Variants in KCNS1 observed in about 807,000 individuals in gnomAD.
The protein encoded by KCNS1 is potassium voltage-gated channel modifier subfamily S member 1.
In KCNS1, 26 loss-of-function variants were observed where a neutral mutation model predicts 33.1. The observed-to-expected ratio is 0.79, with a 90% confidence interval of 0.58 to 1.09. The LOEUF (loss-of-function observed/expected upper bound fraction) is 1.09. Among genes scored for constraint, KCNS1 ranks in the 50% least tolerant of loss-of-function variants. The pLI is 0.00. For missense variants in KCNS1, 702 were observed against 752.4 expected (o/e 0.93, Z 0.78); for synonymous variants, 299 against 338.8 (o/e 0.88, Z 1.29).
chr20:45,095,247 C>G lies in KCNS1; in HGVS notation c.1204G>C (p.Asp402His). The change falls in exon 4 of 4, where the codon GAC (aspartate) becomes CAC (histidine). Residue 402 changes from aspartate to histidine, a missense_variant. Coordinates refer to ENST00000537075, the MANE Select transcript of KCNS1 (RefSeq NM_001322799.2). ...GVAYTAEKEE[D>H]VGFNTIPACW... Reference sequence around the variant, plus strand: ...GCTGGGATGGTGTTAAAGCCCACGTCCTCCTCCTTTTCAGCTGTGTAGGCC... The same window carrying G: ...GCTGGGATGGTGTTAAAGCCCACGTGCTCCTCCTTTTCAGCTGTGTAGGCC... The G allele has an allele frequency of 1.2e-6, 2 of 1,614,140 alleles. No individual in the cohort carries two copies. The highest frequency in any genetic ancestry group is 1.7e-6 in the Non-Finnish European group (2 of 1,180,016).
At position 45,098,345 on chromosome 20, in the gene KCNS1, G is replaced by A. The variant is rs552417867; in HGVS notation, c.427C>T (p.Leu143=). Residue 143 remains leucine, a synonymous_variant, in exon 3 of 4, where the codon CTA becomes TTA. Coordinates refer to ENST00000537075, the MANE Select transcript of KCNS1 (RefSeq NM_001322799.2). This position sits in a 1 kb window ranked among gnomAD's most constrained non-coding sequence, Gnocchi z 5.2. ...AFGQEADYWG[L]GENALAACCR... The stretch of plus-strand genomic sequence containing the variant: ...CACGCGGCAAGCGCGTTCTCGCCTA[G>A]GCCCCAGTAGTCGGCCTCCTGGCCA... The A allele has an allele frequency of 5.1e-6, 8 of 1,573,762 alleles. No homozygotes were observed. Among genetic ancestry groups the A allele is most frequent in the Admixed American group, 3.7e-5 (2 of 54,512 alleles).
At position 45,098,185 on chromosome 20, in the gene KCNS1, G is replaced by A; in HGVS notation, c.587C>T (p.Ala196Val). ...GCGGCGCAGGCGGCCACAGCGCGCC[G>A]CGCCATAGCGCGCCAGTTCTCGCTG... Reference protein sequence around the residue: ...DVQRELARYGAARCGRLRRRL... With the variant: ...DVQRELARYGVARCGRLRRRL... The change falls in exon 3 of 4, where the codon GCG (alanine) becomes GTG (valine). Residue 196 changes from alanine to valine, a missense_variant. Ala to Val is a moderately conservative substitution (Grantham distance 64). Around this residue, in one of 3 missense-constraint regions of KCNS1, gnomAD observed 374 missense variants for 352.3 expected, o/e 1.06. Transcript: ENST00000537075. This position sits in a 1 kb window ranked among gnomAD's most constrained non-coding sequence, Gnocchi z 5.2. 6.2e-7 allele frequency: 1 copy of A among 1,603,292 alleles called. No individual in the cohort carries two copies. The highest frequency in any genetic ancestry group is 8.5e-7 in the Non-Finnish European group (1 of 1,175,994).
intron 2 of KCNS1, 37 bp downstream of exon 2, chr20:45,099,124 C>A (rs1396095264): frequency 7.7e-6 from 12 of 1,549,310 alleles, no homozygotes; most frequent in Non-Finnish European, 1.0e-5. Context: ...GCCCTCTGAA[C>A]CTGTTTCTTC....
rs912629185 is a variant in KCNS1 at position 45,093,930 on chromosome 20, T to C, written c.*940A>G. Reference sequence around the variant, plus strand: ...ACCCCTCTGCTCTCCTTGGCTTTCATTGCCCTCTGGGTCACAGATTCTGAC... The same window carrying C: ...ACCCCTCTGCTCTCCTTGGCTTTCACTGCCCTCTGGGTCACAGATTCTGAC... On this transcript the variant is annotated 3_prime_UTR_variant, in exon 4 of 4. Transcript: ENST00000537075. 2 of 152,274 alleles carry C rather than the reference T, an allele frequency of 1.3e-5. No individual in the cohort carries two copies. Among genetic ancestry groups the C allele is most frequent in the African/African-American group, 4.8e-5 (2 of 41,448 alleles). 9.4% of individuals were successfully genotyped at this position (152,274 alleles called of 1,614,324 possible). A position where few individuals can be genotyped will look rare whatever the true frequency, so the allele number is the denominator to read the frequency against.
rs1476396766 is a variant in KCNS1 at position 45,092,233 on chromosome 20, C to T, written c.*2637G>A. On this transcript the variant is annotated 3_prime_UTR_variant, in exon 4 of 4. Coordinates refer to ENST00000537075, the MANE Select transcript of KCNS1 (RefSeq NM_001322799.2). The stretch of plus-strand genomic sequence containing the variant: ...CTGAGAATGTGGATTCCAAGTCATT[C>T]CACATATTGCCCACCCTCTCCAATC... The T allele has an allele frequency of 6.6e-6, 1 of 152,136 alleles. No homozygotes were observed. Among genetic ancestry groups the T allele is most frequent in the African/African-American group, 2.4e-5 (1 of 41,428 alleles). 9.4% of individuals were successfully genotyped at this position (152,136 alleles called of 1,614,324 possible). A position where few individuals can be genotyped will look rare whatever the true frequency, so the allele number is the denominator to read the frequency against.
rs141857067 is a variant in KCNS1 at position 45,097,704 on chromosome 20, C to A, written c.1068G>T (p.Ala356=). The A allele has an allele frequency of 6.2e-7, 1 of 1,610,240 alleles. No individual in the cohort carries two copies. The highest frequency in any genetic ancestry group is 1.7e-5 in the Admixed American group (1 of 59,988). ...LMRIFRVLKL[A]RHSTGLRSLG... ...GCGAGCGCAGCCCGGTGGAATGGCG[C>A]GCCAACTTGAGTACGCGGAAGATGC... Residue 356 remains alanine, a synonymous_variant, in exon 3 of 4, where the codon GCG becomes GCT. Coordinates refer to ENST00000537075, the MANE Select transcript of KCNS1 (RefSeq NM_001322799.2).
At position 45,095,046 on chromosome 20, in the gene KCNS1, C is replaced by A. The variant is rs762163059; in HGVS notation, c.1405G>T (p.Ala469Ser). 2.5e-6 allele frequency: 4 copies of A among 1,613,954 alleles called. No individual in the cohort carries two copies. In the South Asian group the frequency reaches 4.4e-5, roughly 18 times the overall value. Reference sequence around the variant, plus strand: ...CTGTTGCGCACGGCTGCCTCCAGAGCCTTCTGGCGCCGGTAGAAGTGGGAG... The same window carrying A: ...CTGTTGCGCACGGCTGCCTCCAGAGACTTCTGGCGCCGGTAGAAGTGGGAG... ...KFSHFYRRQK[A>S]LEAAVRNSNH... Residue 469 changes from alanine (A) to serine (S), a missense_variant, in exon 4 of 4, where the codon GCT (alanine) becomes TCT (serine). Coordinates refer to ENST00000537075, the MANE Select transcript of KCNS1 (RefSeq NM_001322799.2).
rs771172253 is a variant in KCNS1, at chr20:45,093,477, C to A, written c.*1393G>T. ...ATTCAACATTTACCAAATACCTACT[C>A]TGCACCAAGCCCAGAGTTCAAGCAG... is the stretch of plus-strand genomic sequence containing the variant. On this transcript the variant is annotated 3_prime_UTR_variant, in exon 4 of 4. Coordinates refer to ENST00000537075, the MANE Select transcript of KCNS1 (RefSeq NM_001322799.2). 2.6e-5 allele frequency: 4 copies of A among 152,288 alleles called. No homozygotes were observed. Among genetic ancestry groups the A allele is most frequent in the Middle Eastern group, 3.4e-3 (1 of 294 alleles). 9.4% of individuals were successfully genotyped at this position (152,288 alleles called of 1,614,324 possible).
intron 1 of KCNS1, among the ~76,000 whole-genome samples, chr20:45,099,953 T>C (rs767604415): frequency 2.0e-5 from 3 of 152,246 alleles, no homozygotes; most frequent in African/African-American, 4.8e-5. Context: ...GATTTGGGGT[T>C]CCACCCTTAG....
chr20:45,098,593 C>A lies in KCNS1; in HGVS notation c.179G>T (p.Arg60Leu). 7.1e-7 allele frequency: 1 copy of A among 1,410,406 alleles called. No individual in the cohort carries two copies. The highest frequency in any genetic ancestry group is 9.3e-7 in the Non-Finnish European group (1 of 1,078,990). The allele number at this position is 1,410,406 out of a possible 1,614,324, so 87.4% of individuals were successfully genotyped here. Reference sequence around the variant, plus strand: ...CAGGGCGCGCGCGCTCAGCTGCCGCCGCACGCCACCCACGTTCACGCGCAG... The same window carrying A: ...CAGGGCGCGCGCGCTCAGCTGCCGCAGCACGCCACCCACGTTCACGCGCAG... ...EALRVNVGGV[R>L]RQLSARALAR... The change falls in exon 3 of 4, where the codon CGG becomes CTG. Residue 60 changes from arginine to leucine, a missense_variant. Physicochemically the swap from Arg to Leu is moderately radical, Grantham distance 102. This residue lies in a region of KCNS1 where 374 missense variants were observed against 352.3 expected (regional missense o/e 1.06). Transcript: ENST00000537075. This position sits in a 1 kb window ranked among gnomAD's most constrained non-coding sequence, Gnocchi z 5.2.
chr20:45,093,830 G>A lies in KCNS1; in HGVS notation c.*1040C>T, dbSNP rs1981082432. On this transcript the variant is annotated 3_prime_UTR_variant, in exon 4 of 4. Coordinates refer to ENST00000537075, the MANE Select transcript of KCNS1 (RefSeq NM_001322799.2). ...AACTGCCAAGGTCAGACTGTTGGGGGAGGGTCTTAGAAGCCAGTATTCATA... is the reference window on the plus strand; with the variant it reads ...AACTGCCAAGGTCAGACTGTTGGGGAAGGGTCTTAGAAGCCAGTATTCATA... The A allele has an allele frequency of 6.6e-6, 1 of 152,386 alleles. No homozygotes were observed. The highest frequency in any genetic ancestry group is 1.5e-5 in the Non-Finnish European group (1 of 68,198). 9.4% of individuals were successfully genotyped at this position (152,386 alleles called of 1,614,324 possible).
At chr20:45,100,005 C>G (rs1981341626) in intron 1 of KCNS1, among the ~76,000 whole-genome samples, 1 of 152,238 alleles carries the variant, frequency 6.6e-6, no homozygotes, top group African/African-American at 2.4e-5. Flanking sequence ...CCTTCCCACT[C>G]TGGGCTTTAG....
chr20:45,096,364 C>A (rs1227833807), intron 3 of KCNS1, among the ~76,000 whole-genome samples: 3 of 152,172 alleles, frequency 2.0e-5, no homozygotes, highest in Non-Finnish European at 2.9e-5. Context: ...CAGGCCCTGG[C>A]TCTCTGCATG....
chr20:45,098,179 C>G lies in KCNS1; in HGVS notation c.593G>C (p.Arg198Pro). 6.2e-7 allele frequency: 1 copy of G among 1,602,810 alleles called. No individual in the cohort carries two copies. Among genetic ancestry groups the G allele is most frequent in the Non-Finnish European group, 8.5e-7 (1 of 1,175,822 alleles). ...QRELARYGAA[R>P]CGRLRRRLWL... is the part of the protein sequence containing the mutation. ...GAGGCGGCGGCGCAGGCGGCCACAG[C>G]GCGCCGCGCCATAGCGCGCCAGTTC... Residue 198 changes from arginine (R) to proline (P), a missense_variant, in exon 3 of 4, where the codon CGC becomes CCC. Physicochemically the swap from Arg to Pro is moderately radical, Grantham distance 103. Transcript: ENST00000537075. The surrounding 1 kb of genome is among the most constrained non-coding windows in gnomAD (Gnocchi z 5.2).
Position 45,093,063 on chromosome 20 carries a change from C to T in KCNS1, c.*1807G>A, listed in dbSNP as rs1295556869. On this transcript the variant is annotated 3_prime_UTR_variant, in exon 4 of 4. Coordinates refer to ENST00000537075, the MANE Select transcript of KCNS1 (RefSeq NM_001322799.2). ...AAGCCAGTATATCAGAGTGGCTGGG[C>T]ATAACACAACGGCATGTGTGTCTGT... 1.3e-5 allele frequency: 2 copies of T among 152,038 alleles called. No homozygotes were observed. The highest frequency in any genetic ancestry group is 6.5e-5 in the Admixed American group (1 of 15,270). 9.4% of individuals were successfully genotyped at this position (152,038 alleles called of 1,614,324 possible).
intron 3 of KCNS1, 29 bp downstream of exon 3, chr20:45,097,633 C>G (rs776165523): frequency 1.3e-6 from 2 of 1,576,886 alleles, no homozygotes; most frequent in Non-Finnish European, 1.7e-6. Flanking sequence ...CCGCCCACCC[C>G]AGCTCCAACC....
rs1980992521 is a variant in KCNS1 at position 45,091,280 on chromosome 20, T to C, written c.*3590A>G. Among the ~76,000 whole-genome samples the C allele has an allele frequency of 6.6e-6, 1 of 152,172 alleles. No individual in the cohort carries two copies. The highest frequency in any genetic ancestry group is 6.6e-5 in the Admixed American group (1 of 15,266). On this transcript the variant is annotated 3_prime_UTR_variant, in exon 4 of 4. Coordinates refer to ENST00000537075, the MANE Select transcript of KCNS1 (RefSeq NM_001322799.2). Reference sequence around the variant, plus strand: ...TTCCTCCAACTGCCGCAAATACTAATACGGTACCTTGCCCTCCATCCCTCC... The same window carrying C: ...TTCCTCCAACTGCCGCAAATACTAACACGGTACCTTGCCCTCCATCCCTCC...
intron 3 of KCNS1, 145 bp from the exon 4 acceptor site, chr20:45,095,485 G>A (rs1392717336): frequency 7.0e-6 from 5 of 711,754 alleles, no homozygotes; most frequent in Non-Finnish European, 1.1e-5. Flanking sequence ...CAGGTCCCCT[G>A]ACTTTAAACT....
rs892667163 is a variant in KCNS1, at chr20:45,091,966, G to A, written c.*2904C>T. On this transcript the variant is annotated 3_prime_UTR_variant, in exon 4 of 4. Transcript: ENST00000537075. ...CACTTCTACTGTTTTAAGCCATCAA[G>A]TTTGTTTGAATTTGTTACAGCAGCT... is the stretch of plus-strand genomic sequence containing the variant. Among the ~76,000 whole-genome samples the A allele has an allele frequency of 6.6e-6, 1 of 152,286 alleles. No individual in the cohort carries two copies. Among genetic ancestry groups the A allele is most frequent in the East Asian group, 1.9e-4 (1 of 5,174 alleles).
Sources: allele counts gnomAD v4.1 joint callset (sites outside exome capture counted in the v4.1 genomes callset), GRCh38; gene constraint gnomAD v4.1.1; regional missense constraint gnomAD v4.1.1; non-coding constraint Gnocchi (gnomAD v3.1); transcripts MANE v1.5; gene names NCBI Gene and HGNC (gene_info 2026-07-23, HGNC 2026-07-21).